The following MECOM variants were observed in gnomAD, a reference collection of about 807,000 sequenced individuals.
The protein encoded by MECOM is MDS1 and EVI1 complex locus.
In MECOM, 13 loss-of-function variants were observed where a neutral mutation model predicts 116.3. The observed-to-expected ratio is 0.11, with a 90% CI of 0.07 to 0.18. The LOEUF is 0.18. Among genes scored for constraint, MECOM ranks in the 10% least tolerant of loss-of-function variants. The pLI is 1.00. For synonymous variants in MECOM, 528 were observed against 535.2 expected (o/e 0.99, Z 0.19); for missense variants, 1,299 against 1,509.0 (o/e 0.86, Z 2.31).
At chr3:169,604,864 G>A (rs1768305739) in intron 1 of MECOM, among the ~76,000 whole-genome samples, 1 of 152,194 alleles carries the variant, frequency 6.6e-6, no homozygotes, top group African/African-American at 2.4e-5. Context: ...CATTGAGCTT[G>A]TAGAAACAGT....
At chr3:169,136,124 C>G (rs1476767403) in intron 3 of MECOM, among the ~76,000 whole-genome samples, 2 of 151,538 alleles carry the variant, frequency 1.3e-5, no homozygotes, top group African/African-American at 2.4e-5. Flanking sequence ...ATCCATTCAG[C>G]TAATACTCAC....
intron 1 of MECOM, chr3:169,614,862 T>A (rs1170727555): frequency 6.6e-6 from 1 of 152,230 alleles, no homozygotes; most frequent in African/African-American, 2.4e-5. Flanking sequence ...ATACTGCTAG[T>A]GCACCCGCTT....
Position 169,115,587 on chromosome 3 carries a change from G to T in MECOM, c.2285C>A (p.Pro762Gln), listed in dbSNP as rs368338047. 8.7e-6 allele frequency: 14 copies of T among 1,613,994 alleles called. No individual in the cohort carries two copies. Among genetic ancestry groups the T allele is most frequent in the Non-Finnish European group, 1.1e-5 (13 of 1,180,020 alleles). Residue 762 changes from proline (P) to glutamine (Q), a missense_variant, in exon 8 of 17, where the codon CCA becomes CAA. Pro to Gln is a moderately conservative substitution (Grantham distance 76). Coordinates refer to ENST00000651503, the MANE Select transcript of MECOM (RefSeq NM_004991.4). ...GTCTTGGCTTGTGGCAGGTGTCACTGGAGGCTTGGAGGGGACTGGAGTCAA... is the reference window on the plus strand; with the variant it reads ...GTCTTGGCTTGTGGCAGGTGTCACTTGAGGCTTGGAGGGGACTGGAGTCAA... ...KPLTPVPSKP[P>Q]VTPATSQDQP...
intron 2 of MECOM, among the ~76,000 whole-genome samples, chr3:169,175,145 G>C (rs1333515451): frequency 6.6e-6 from 1 of 152,048 alleles, no homozygotes; most frequent in African/African-American, 2.4e-5. Context: ...TATAACATGA[G>C]AATAACAAAA....
intron 1 of MECOM, among the ~76,000 whole-genome samples, chr3:169,415,542 A>T (rs1426636363): frequency 6.6e-6 from 1 of 152,170 alleles, no homozygotes; most frequent in African/African-American, 2.4e-5. Context: ...ATTAACCTTA[A>T]ATGCAAACGG....
At chr3:169,496,811 G>A (rs961569364) in intron 1 of MECOM, among the ~76,000 whole-genome samples, 3 of 152,056 alleles carry the variant, frequency 2.0e-5, no homozygotes, top group African/African-American at 7.2e-5. Context: ...GAAAATAATG[G>A]CTCTTTCTTG....
At chr3:169,630,865 A>G (rs917454461) in intron 1 of MECOM, among the ~76,000 whole-genome samples, 1 of 152,228 alleles carries the variant, frequency 6.6e-6, no homozygotes, top group African/African-American at 2.4e-5. Context: ...CTTGGTTTGC[A>G]TAAAAGTGCT....
chr3:169,629,572 G>A (rs969685132), intron 1 of MECOM, among the ~76,000 whole-genome samples: 5 of 152,128 alleles, frequency 3.3e-5, no homozygotes, highest in African/African-American at 1.2e-4. Context: ...GTTGGAATAG[G>A]CATATTTTAC....
intron 2 of MECOM, among the ~76,000 whole-genome samples, chr3:169,219,367 C>T (rs1489742933): frequency 1.3e-5 from 2 of 152,160 alleles, no homozygotes; most frequent in South Asian, 2.1e-4. Flanking sequence ...ATTAGCCAGG[C>T]GTGGTGGTGG....
At chr3:169,553,644 G>C (rs1761672484) in intron 1 of MECOM, among the ~76,000 whole-genome samples, 1 of 152,180 alleles carries the variant, frequency 6.6e-6, no homozygotes, top group Non-Finnish European at 1.5e-5. Context: ...TTAAACAACA[G>C]AAATTTATTT....
intron 2 of MECOM, among the ~76,000 whole-genome samples, chr3:169,204,375 C>A (rs931795906): frequency 2.6e-5 from 4 of 152,178 alleles, no homozygotes; most frequent in Non-Finnish European, 5.9e-5. Context: ...CCCCAATTTC[C>A]AGCTGCACAT....
intron 2 of MECOM, among the ~76,000 whole-genome samples, chr3:169,263,690 C>G (rs1401686651): frequency 6.6e-6 from 1 of 152,028 alleles, no homozygotes; most frequent in Non-Finnish European, 1.5e-5. Flanking sequence ...AGGAATTAGA[C>G]TATCAGAGGT....
intron 2 of MECOM, among the ~76,000 whole-genome samples, chr3:169,365,059 A>G (rs1728928360): frequency 1.3e-5 from 2 of 152,032 alleles, no homozygotes; most frequent in South Asian, 4.1e-4. Context: ...CAAGAAATCT[A>G]TTTTTATCTC....
At chr3:169,543,776 A>C (rs1451240068) in intron 1 of MECOM, among the ~76,000 whole-genome samples, 1 of 152,248 alleles carries the variant, frequency 6.6e-6, no homozygotes, top group Non-Finnish European at 1.5e-5. Flanking sequence ...CCATCCATTA[A>C]TCAGTATCTG....
At chr3:169,102,334 G>A in intron 10 of MECOM, 108 bp from the exon 11 acceptor site, 1 of 1,000,166 alleles carries the variant, frequency 1.0e-6, no homozygotes, top group Non-Finnish European at 1.4e-6. Flanking sequence ...ATCTGCGACG[G>A]GTTGTAGAAA....
chr3:169,310,955 ATAAAT>A (rs1396624552), intron 2 of MECOM, among the ~76,000 whole-genome samples: 1 of 152,206 alleles, frequency 6.6e-6, no homozygotes, highest in Non-Finnish European at 1.5e-5. Context: ...CAACTAAATG[ATAAAT>A]TAAATTACAA....
At chr3:169,112,992 C>A in intron 8 of MECOM, 118 bp from the exon 9 acceptor site, 1 of 680,926 alleles carries the variant, frequency 1.5e-6, no homozygotes, top group South Asian at 1.9e-5. Flanking sequence ...GGGAAGCGCA[C>A]TCATAAAACT....
At chr3:169,384,545 C>G (rs754080825) in intron 1 of MECOM, among the ~76,000 whole-genome samples, 12 of 152,172 alleles carry the variant, frequency 7.9e-5, no homozygotes, top group African/African-American at 2.9e-4. Context: ...TAACATTCAA[C>G]TACTGCAAAT....
chr3:169,386,753 T>C (rs1733387664), intron 1 of MECOM, among the ~76,000 whole-genome samples: 1 of 152,172 alleles, frequency 6.6e-6, no homozygotes, highest in African/African-American at 2.4e-5. Flanking sequence ...GTTAGATTCC[T>C]ATAAGAAAAC....
Sources: allele counts gnomAD v4.1 joint callset (sites outside exome capture counted in the v4.1 genomes callset), GRCh38; gene constraint gnomAD v4.1.1; transcripts MANE v1.5; gene names NCBI Gene and HGNC (gene_info 2026-07-23, HGNC 2026-07-21).